KCNIP1: variants seen among roughly 807,000 people sequenced by gnomAD.
KCNIP1 encodes the protein potassium voltage-gated channel interacting protein 1.
KCNIP1 carries 18 observed loss-of-function variants against 33.0 expected under a neutral mutation model. The ratio of observed to expected loss-of-function variants is 0.55; its 90% CI spans 0.38 to 0.81. KCNIP1 has a LOEUF of 0.81. KCNIP1 is among the 30% of genes least tolerant of loss of function. KCNIP1 has a pLI of 0.00. For synonymous variants in KCNIP1, 93 were observed against 98.3 expected (o/e 0.95, Z 0.32); for missense variants, 238 against 271.6 (o/e 0.88, Z 0.87).
intron 1 of KCNIP1, among the ~76,000 whole-genome samples, chr5:170,600,983 G>A (rs1561710959): frequency 6.6e-6 from 1 of 152,338 alleles, no homozygotes; most frequent in Non-Finnish European, 1.5e-5. Flanking sequence ...TCAAATTCCA[G>A]CTCTCCCACT....
chr5:170,511,075 G>T (rs1754915308), intron 1 of KCNIP1, among the ~76,000 whole-genome samples: 1 of 152,158 alleles, frequency 6.6e-6, no homozygotes, highest in South Asian at 2.1e-4. Flanking sequence ...CGGGCATGGT[G>T]GCATGCTCCT....
At chr5:170,557,442 G>C (rs941230124) in intron 1 of KCNIP1, among the ~76,000 whole-genome samples, 12 of 152,054 alleles carry the variant, frequency 7.9e-5, no homozygotes, top group African/African-American at 1.7e-4. Flanking sequence ...CTTCTCTCCT[G>C]CCTCCCCCTG....
At chr5:170,356,108 C>G (rs1029013013) in intron 1 of KCNIP1, among the ~76,000 whole-genome samples, 2 of 152,182 alleles carry the variant, frequency 1.3e-5, no homozygotes, top group Non-Finnish European at 2.9e-5. Context: ...TGCAGAGAGT[C>G]CAGAAAACGG....
At chr5:170,550,530 G>A (rs555903468) in intron 1 of KCNIP1, among the ~76,000 whole-genome samples, 1 of 148,568 alleles carries the variant, frequency 6.7e-6, no homozygotes, top group East Asian at 1.9e-4. Flanking sequence ...CAATGATGAT[G>A]ATGGTGATAA....
At chr5:170,368,644 T>G (rs1763763647) in intron 1 of KCNIP1, among the ~76,000 whole-genome samples, 1 of 152,214 alleles carries the variant, frequency 6.6e-6, no homozygotes. Flanking sequence ...CACAAACATA[T>G]CATTCACTAA....
intron 1 of KCNIP1, among the ~76,000 whole-genome samples, chr5:170,507,913 C>T (rs1754779602): frequency 6.6e-6 from 1 of 152,182 alleles, no homozygotes; most frequent in Admixed American, 6.5e-5. Context: ...TGGGATTCAG[C>T]CTCTGCATCC....
At chr5:170,676,250 G>A (rs1762141532) in intron 1 of KCNIP1, among the ~76,000 whole-genome samples, 1 of 151,382 alleles carries the variant, frequency 6.6e-6, no homozygotes, top group Admixed American at 6.6e-5. Context: ...GGGAGGAAGG[G>A]AGATATCATT....
intron 1 of KCNIP1, among the ~76,000 whole-genome samples, chr5:170,530,443 T>C (rs1224348226): frequency 6.6e-6 from 1 of 152,216 alleles, no homozygotes; most frequent in Non-Finnish European, 1.5e-5. Context: ...GAAATGGCTT[T>C]CCCAAAGTCT....
intron 5 of KCNIP1, among the ~76,000 whole-genome samples, chr5:170,730,546 C>T (rs1167306109): frequency 2.0e-5 from 3 of 152,088 alleles, no homozygotes. Context: ...AAAAAAATAT[C>T]AGACAGGAAA....
At chr5:170,525,120 A>G (rs1373540452) in intron 1 of KCNIP1, among the ~76,000 whole-genome samples, 1 of 152,118 alleles carries the variant, frequency 6.6e-6, no homozygotes. Context: ...CTGCTCTGAG[A>G]CCAGGATACG....
intron 1 of KCNIP1, among the ~76,000 whole-genome samples, chr5:170,357,695 A>G (rs896278037): frequency 6.6e-6 from 1 of 152,100 alleles, no homozygotes; most frequent in Admixed American, 6.6e-5. Flanking sequence ...ACAACCAGCT[A>G]ATTTTGACTG....
chr5:170,708,563 A>G (rs1250825092), intron 1 of KCNIP1, among the ~76,000 whole-genome samples: 10 of 152,218 alleles, frequency 6.6e-5, no homozygotes, highest in Non-Finnish European at 1.5e-4. Flanking sequence ...CAAAATTACC[A>G]TGATTTAATT....
chr5:170,736,002 CCT>C lies in KCNIP1; in HGVS notation c.*199_*200del. 1 of 567,424 alleles carries C rather than the reference CCT, an allele frequency of 1.8e-6. No homozygotes were observed. Among genetic ancestry groups the C allele is most frequent in the Non-Finnish European group, 3.1e-6 (1 of 319,028 alleles). The allele number at this position is 567,424 out of a possible 1,614,324, so 35.1% of individuals were successfully genotyped here. ...GCTCAGTCTCTGATTGCCAACTCTT[CCT>C]CTTTCTTCTTCTTGAGAGAGACAAG... On this transcript the variant is annotated 3_prime_UTR_variant, in exon 8 of 8. Coordinates refer to ENST00000328939, the MANE Select transcript of KCNIP1 (RefSeq NM_014592.4).
chr5:170,385,001 G>A (rs1394323569), intron 1 of KCNIP1, among the ~76,000 whole-genome samples: 2 of 152,086 alleles, frequency 1.3e-5, no homozygotes, highest in African/African-American at 2.4e-5. Flanking sequence ...ATTCCTCCTG[G>A]GATCAAACTT....
chr5:170,429,176 G>T (rs1433083750), intron 1 of KCNIP1, among the ~76,000 whole-genome samples: 1 of 152,078 alleles, frequency 6.6e-6, no homozygotes, highest in Non-Finnish European at 1.5e-5. Flanking sequence ...CCTGCCTCCT[G>T]CATCTTCCTT....
At chr5:170,554,845 C>T (rs2084081044) in intron 1 of KCNIP1, among the ~76,000 whole-genome samples, 1 of 152,134 alleles carries the variant, frequency 6.6e-6, no homozygotes, top group Non-Finnish European at 1.5e-5. Flanking sequence ...CTGCACCACC[C>T]AGAGCCTGTT....
At chr5:170,695,748 C>T (rs1019519457) in intron 1 of KCNIP1, among the ~76,000 whole-genome samples, 7 of 152,172 alleles carry the variant, frequency 4.6e-5, no homozygotes, top group Non-Finnish European at 1.0e-4. Context: ...AGGCTGGGCG[C>T]GGTAGCTCAC....
chr5:170,669,909 G>C (rs1287143487), intron 1 of KCNIP1, among the ~76,000 whole-genome samples: 1 of 152,128 alleles, frequency 6.6e-6, no homozygotes, highest in African/African-American at 2.4e-5. Flanking sequence ...ATATTAATTT[G>C]AATGTGATGA....
chr5:170,644,978 C>T lies in KCNIP1; in HGVS notation c.62-73780C>T, dbSNP rs147759508. On this transcript the variant is annotated intron_variant, in intron 1 of 7. Transcript: ENST00000328939. ...ACTGGCCTCTCTTGCCGCAAGGGTC[C>T]ACCACCTTCCTTATGTGTGACCTAA... Among the ~76,000 whole-genome samples the T allele has an allele frequency of 7.2e-5, 11 of 152,316 alleles. No homozygotes were observed. The East Asian group carries it at 2.1e-3, about 29-fold the overall frequency.
Sources: gnomAD v4.1 joint callset for allele counts (sites outside exome capture counted in the v4.1 genomes callset) on GRCh38, gnomAD v4.1.1 for gene constraint, MANE v1.5 for transcripts, NCBI Gene and HGNC (gene_info 2026-07-23, HGNC 2026-07-21) for gene names.